Variants in TEX11 observed in about 807,000 individuals in gnomAD.
The protein encoded by TEX11 is testis expressed 11.
Under a neutral mutation model 84.4 loss-of-function variants are expected in TEX11, and 7 were observed. The observed-to-expected ratio is 0.08, with a 90% CI of 0.05 to 0.16. The LOEUF (loss-of-function observed/expected upper bound fraction) is 0.16. Among genes scored for constraint, TEX11 ranks in the 10% least tolerant of loss-of-function variants. TEX11 has a pLI of 1.00. For missense variants in TEX11, 551 were observed against 660.5 expected, an observed-to-expected ratio of 0.83 and a Z score of 1.82; for synonymous variants, 264 against 222.8, an observed-to-expected ratio of 1.18 and a Z score of -1.64.
intron 27 of TEX11, among the ~76,000 whole-genome samples, 192 bp from the exon 28 acceptor site, chrX:70,552,438 CT>C (rs766055143): frequency 8.0e-4 from 90 of 112,097 alleles, no homozygotes; most frequent in African/African-American, 2.8e-3. Context: ...CCAATCCTTT[CT>C]TTTTTCATGC....
At chrX:70,737,312 T>C (rs2090702994) in intron 11 of TEX11, among the ~76,000 whole-genome samples, 1 of 110,598 alleles carries the variant, frequency 9.0e-6, no homozygotes, top group Non-Finnish European at 1.9e-5. Flanking sequence ...GAAACAAAAA[T>C]AACAAATTAT....
chrX:70,636,982 G>A (rs1278239639), intron 17 of TEX11, among the ~76,000 whole-genome samples: 1 of 111,511 alleles, frequency 9.0e-6, no homozygotes, highest in Non-Finnish European at 1.9e-5. Flanking sequence ...TATAGAATGG[G>A]AGAAAATTTT....
At chrX:70,679,161 C>T (rs1161119786) in intron 14 of TEX11, among the ~76,000 whole-genome samples, 5 of 112,935 alleles carry the variant, frequency 4.4e-5, no homozygotes, top group African/African-American at 1.6e-4. Context: ...GGCTGGTCTC[C>T]AGCTCCTAAC....
intron 9 of TEX11, among the ~76,000 whole-genome samples, chrX:70,752,512 G>A (rs1228308377): frequency 5.6e-5 from 4 of 71,572 alleles, no homozygotes; most frequent in South Asian, 9.4e-4. Context: ...GTGACAGAGC[G>A]ATACTCTGTC....
At chrX:70,817,736 T>G (rs1241530404) in intron 8 of TEX11, among the ~76,000 whole-genome samples, 1 of 100,228 alleles carries the variant, frequency 1.0e-5, no homozygotes. Context: ...TGAGACCCTG[T>G]CTCAAAAAAG....
intron 12 of TEX11, chrX:70,724,094 A>G (rs1457253761): frequency 2.7e-6 from 2 of 751,599 alleles, no homozygotes; most frequent in African/African-American, 4.6e-5. Context: ...AAACACTGTC[A>G]TAAGGAATTA....
At chrX:70,796,242 C>A (rs1179068850) in intron 9 of TEX11, among the ~76,000 whole-genome samples, 1 of 111,647 alleles carries the variant, frequency 9.0e-6, no homozygotes, top group Non-Finnish European at 1.9e-5. Context: ...AATAGTGCAA[C>A]TGAACAAGTA....
intron 13 of TEX11, among the ~76,000 whole-genome samples, chrX:70,712,487 C>T (rs1160400155): frequency 9.0e-6 from 1 of 111,351 alleles, no homozygotes; most frequent in Non-Finnish European, 1.9e-5. Context: ...TTGTAGTTCT[C>T]CTTGAAGAGG....
At chrX:70,597,533 C>T (rs1360294921) in intron 24 of TEX11, among the ~76,000 whole-genome samples, 1 of 111,835 alleles carries the variant, frequency 8.9e-6, no homozygotes, top group Admixed American at 9.5e-5. Flanking sequence ...AAACAGTCTT[C>T]AACAAATAGT....
intron 15 of TEX11, among the ~76,000 whole-genome samples, chrX:70,671,960 T>C (rs1353623449): frequency 1.0e-5 from 1 of 98,851 alleles, no homozygotes; most frequent in Non-Finnish European, 2.0e-5. Context: ...AGTGAACACA[T>C]CCATCACAAC....
chrX:70,554,819 T>C lies in TEX11; in HGVS notation c.2141-19A>G, dbSNP rs770764157. On this transcript the variant is annotated intron_variant, in intron 25 of 29. Transcript: ENST00000374333. Reference sequence around the variant, plus strand: ...AAGGTCCCTAAGAAAGAGGCAAAAATGCAACATTCTTTGTGATTATATTAT... The same window carrying C: ...AAGGTCCCTAAGAAAGAGGCAAAAACGCAACATTCTTTGTGATTATATTAT... 1 of 1,185,370 alleles carries C rather than the reference T, an allele frequency of 8.4e-7. No individual in the cohort carries two copies. The highest frequency in any genetic ancestry group is 1.1e-6 in the Non-Finnish European group (1 of 880,907).
At chrX:70,740,525 G>A (rs756924843) in intron 11 of TEX11, among the ~76,000 whole-genome samples, 176 bp downstream of exon 11, 19 of 111,478 alleles carry the variant, frequency 1.7e-4, no homozygotes, top group Non-Finnish European at 2.4e-4. Context: ...AGGAATTTGC[G>A]GGGACACAAA....
intron 5 of TEX11, among the ~76,000 whole-genome samples, chrX:70,854,216 T>C (rs185224916): frequency 9.0e-6 from 1 of 111,724 alleles, no homozygotes; most frequent in Non-Finnish European, 1.9e-5. Flanking sequence ...TACCAAATTA[T>C]AATCCACAGA....
intron 25 of TEX11, among the ~76,000 whole-genome samples, chrX:70,579,332 C>CAA (rs35742145): frequency 2.9e-4 from 27 of 91,992 alleles, no homozygotes; most frequent in Middle Eastern, 5.7e-3. Context: ...ACTAAAAATA[C>CAA]AAAAAAAAAA....
Position 70,625,067 on chromosome X carries a change from G to C in TEX11, c.1609-143C>G, listed in dbSNP as rs1394443502. 21 of 451,015 alleles carry C rather than the reference G, an allele frequency of 4.7e-5. No individual in the cohort carries two copies. In the South Asian group the frequency reaches 8.2e-4, roughly 18 times the overall value. The allele number at this position is 451,015 out of a possible 1,213,427, so 37.2% of individuals were successfully genotyped here. A position where few individuals can be genotyped will look rare whatever the true frequency, so the allele number is the denominator to read the frequency against. ...TCAAAAACGCTACTGCAAGATGGTA[G>C]AATGAAGATGCAACTCACTGACAAA... On this transcript the variant is annotated intron_variant, in intron 18 of 29. Coordinates refer to ENST00000374333, the MANE Select transcript of TEX11 (RefSeq NM_031276.3).
intron 7 of TEX11, 144 bp downstream of exon 7, chrX:70,852,890 T>C: frequency 1.8e-6 from 1 of 566,044 alleles, no homozygotes; most frequent in East Asian, 3.7e-5. Flanking sequence ...CACCTTCAGA[T>C]ATAACAGAGA....
intron 8 of TEX11, among the ~76,000 whole-genome samples, chrX:70,829,481 C>CAAAAAAA (rs60664977): frequency 1.4e-5 from 1 of 72,927 alleles, no homozygotes; most frequent in Non-Finnish European, 2.4e-5. Context: ...CATTCCGTCT[C>CAAAAAAA]AAAAAAAAAA....
intron 17 of TEX11, among the ~76,000 whole-genome samples, chrX:70,641,121 T>G (rs751462210): frequency 1.9e-4 from 21 of 111,125 alleles, no homozygotes; most frequent in Admixed American, 1.1e-3. Flanking sequence ...TGCAATCCTA[T>G]TCTCTGATCA....
chrX:70,827,895 C>A (rs957054601), intron 8 of TEX11, among the ~76,000 whole-genome samples: 1 of 111,379 alleles, frequency 9.0e-6, no homozygotes, highest in Non-Finnish European at 1.9e-5. Flanking sequence ...CCAGTGCTTG[C>A]ATCACCACAC....
Sources: gnomAD v4.1 joint callset for allele counts (sites outside exome capture counted in the v4.1 genomes callset) on GRCh38, gnomAD v4.1.1 for gene constraint, MANE v1.5 for transcripts, NCBI Gene and HGNC (gene_info 2026-07-23, HGNC 2026-07-21) for gene names.